CFAP54: variants seen among roughly 807,000 people sequenced by gnomAD.
The protein encoded by CFAP54 is cilia- and flagella-associated protein 54.
In CFAP54, 290 loss-of-function variants were observed where a neutral mutation model predicts 370.4. That is an observed-to-expected ratio of 0.78 (90% CI 0.71 to 0.86). CFAP54 has a LOEUF of 0.86. Ranked by LOEUF, CFAP54 falls within the 40% of genes least tolerant of loss-of-function variation. The pLI is 0.00. For synonymous variants in CFAP54, 1,206 were observed against 1,236.5 expected (o/e 0.98, Z 0.52); for missense variants, 3,399 against 3,528.7 (o/e 0.96, Z 0.93).
chr12:96,638,525 A>C (rs1430021130), intron 32 of CFAP54, among the ~76,000 whole-genome samples: 1 of 152,058 alleles, frequency 6.6e-6, no homozygotes, highest in Non-Finnish European at 1.5e-5. Context: ...GGCATGAGCC[A>C]CTGCACCTGG....
At chr12:96,783,810 C>T (rs776631223) in intron 60 of CFAP54, among the ~76,000 whole-genome samples, 8 of 152,044 alleles carry the variant, frequency 5.3e-5, no homozygotes, top group Non-Finnish European at 7.4e-5. Context: ...TGCTTGAACC[C>T]GGGAGGAGAA....
chr12:96,853,482 A>T (rs1959611475), intron 66 of CFAP54, among the ~76,000 whole-genome samples: 1 of 152,180 alleles, frequency 6.6e-6, no homozygotes, highest in Non-Finnish European at 1.5e-5. Context: ...GAAAGTGTAT[A>T]TGCAAGTTGC....
At chr12:96,514,998 A>G (rs958550617) in intron 5 of CFAP54, among the ~76,000 whole-genome samples, 1 of 151,232 alleles carries the variant, frequency 6.6e-6, no homozygotes, top group Non-Finnish European at 1.5e-5. Flanking sequence ...TGACACTAAA[A>G]TGAGTATAGT....
chr12:96,786,404 C>T (rs1403705515), intron 61 of CFAP54, among the ~76,000 whole-genome samples: 1 of 152,114 alleles, frequency 6.6e-6, no homozygotes, highest in Admixed American at 6.5e-5. Context: ...TGGTCTCAAA[C>T]TCCTGACCTC....
At chr12:96,577,754 TA>T (rs1955993517) in intron 20 of CFAP54, among the ~76,000 whole-genome samples, 1 of 152,062 alleles carries the variant, frequency 6.6e-6, no homozygotes, top group South Asian at 2.1e-4. Flanking sequence ...TGTTAAGTAG[TA>T]AAGCTTACTC....
At chr12:96,818,092 T>C (rs1958996761) in intron 65 of CFAP54, among the ~76,000 whole-genome samples, 179 bp downstream of exon 65, 1 of 152,228 alleles carries the variant, frequency 6.6e-6, no homozygotes, top group Admixed American at 6.5e-5. Context: ...TCTGAAGGTC[T>C]TCTAAGCATA....
intron 22 of CFAP54, among the ~76,000 whole-genome samples, chr12:96,585,847 A>G (rs1318469475): frequency 6.6e-6 from 1 of 152,164 alleles, no homozygotes; most frequent in Non-Finnish European, 1.5e-5. Flanking sequence ...TGTGCCTGCC[A>G]AGCTTTCCCA....
At chr12:96,806,196 ATATATATATATAT>A (rs1958877840) in intron 63 of CFAP54, among the ~76,000 whole-genome samples, 1 of 81,960 alleles carries the variant, frequency 1.2e-5, no homozygotes, top group African/African-American at 4.6e-5. Context: ...ATATATATAT[ATATATATATATAT>A]ATATAATAAC....
At chr12:96,655,047 T>G (rs1428610485) in intron 36 of CFAP54, among the ~76,000 whole-genome samples, 2 of 151,996 alleles carry the variant, frequency 1.3e-5, no homozygotes, top group African/African-American at 4.8e-5. Flanking sequence ...AATTTTTTTT[T>G]AAAAGAACAA....
chr12:96,575,743 G>C (rs1157438719), intron 19 of CFAP54, among the ~76,000 whole-genome samples: 1 of 152,070 alleles, frequency 6.6e-6, no homozygotes, highest in Non-Finnish European at 1.5e-5. Flanking sequence ...TTCATTTTAA[G>C]TTAATATTTG....
chr12:96,674,397 A>C (rs1389298661), intron 39 of CFAP54, among the ~76,000 whole-genome samples: 2 of 130,744 alleles, frequency 1.5e-5, no homozygotes, highest in Non-Finnish European at 3.2e-5. Context: ...CAAACTGTTG[A>C]GGCTACTAGT....
At chr12:96,801,257 A>T (rs2136712674) in intron 63 of CFAP54, among the ~76,000 whole-genome samples, 1 of 152,334 alleles carries the variant, frequency 6.6e-6, no homozygotes, top group South Asian at 2.1e-4. Flanking sequence ...AGTTAAGTTC[A>T]CAGCTTTGAA....
intron 65 of CFAP54, among the ~76,000 whole-genome samples, chr12:96,824,886 C>G (rs1490501410): frequency 2.0e-5 from 3 of 152,094 alleles, no homozygotes; most frequent in African/African-American, 4.8e-5. Context: ...AAATTCCTTA[C>G]TTTTACATGA....
rs148470161 is a variant in CFAP54 at position 96,503,094 on chromosome 12, TTCTC to T, written c.424-783_424-780del. ...TCTTTCTTTCTTTCTCTTTCTTTCT[TTCTC>T]TCTCTCTCCTTCCTTCCTTCTTTCT... On this transcript the variant is annotated intron_variant, in intron 2 of 67. Transcript: ENST00000524981. Among the ~76,000 whole-genome samples, 9 of 140,392 alleles carry T rather than the reference TTCTC, an allele frequency of 6.4e-5. No individual in the cohort carries two copies. The East Asian group carries it at 1.1e-3, about 17-fold the overall frequency. The allele number at this position is 140,392 out of a possible 152,430, so 92.1% of individuals were successfully genotyped here.
intron 28 of CFAP54, 69 bp downstream of exon 28, chr12:96,623,950 A>G (rs1956526631): frequency 9.7e-7 from 1 of 1,032,432 alleles, no homozygotes; most frequent in Admixed American, 2.1e-5. Context: ...TATTTTGTTC[A>G]AAGGATTAAG....
intron 19 of CFAP54, among the ~76,000 whole-genome samples, chr12:96,570,350 T>TA (rs1955904182): frequency 6.6e-6 from 1 of 151,548 alleles, no homozygotes; most frequent in Non-Finnish European, 1.5e-5. Context: ...AGCCAACTTC[T>TA]AATTCTGACC....
chr12:96,564,955 A>G (rs1955852077), intron 19 of CFAP54, 190 bp downstream of exon 19: 4 of 339,350 alleles, frequency 1.2e-5, no homozygotes, highest in Admixed American at 4.8e-5. Flanking sequence ...GAAATGAGAG[A>G]TTCTCTTTTT....
chr12:96,835,087 T>C (rs1959181915), intron 66 of CFAP54, among the ~76,000 whole-genome samples: 1 of 151,770 alleles, frequency 6.6e-6, no homozygotes, highest in Non-Finnish European at 1.5e-5. Flanking sequence ...CTCCTCTCTG[T>C]AGGCAGGTTG....
intron 17 of CFAP54, among the ~76,000 whole-genome samples, chr12:96,560,812 C>T (rs1955806602): frequency 6.6e-6 from 1 of 152,134 alleles, no homozygotes; most frequent in Non-Finnish European, 1.5e-5. Context: ...ATCCTGTTCC[C>T]CAACAGACTT....
Sources: gnomAD v4.1 joint callset for allele counts (sites outside exome capture counted in the v4.1 genomes callset) on GRCh38, gnomAD v4.1.1 for gene constraint, MANE v1.5 for transcripts, NCBI Gene and HGNC (gene_info 2026-07-23, HGNC 2026-07-21) for gene names.